The following NCKAP5 variants were observed in gnomAD, a reference collection of about 807,000 sequenced individuals.
The protein encoded by NCKAP5 is NCK associated protein 5, also known as nck-associated protein 5.
A neutral mutation model predicts 167.0 loss-of-function variants in NCKAP5; 92 were observed. The observed-to-expected ratio is 0.55, with a 90% confidence interval of 0.47 to 0.66. NCKAP5 has a LOEUF of 0.66. Among genes scored for constraint, NCKAP5 ranks in the 30% least tolerant of loss-of-function variants. The probability of loss-of-function intolerance (pLI) is 0.00; values close to 1 mark genes in which losing one functional copy is unlikely to be tolerated. For synonymous variants in NCKAP5, 891 were observed against 877.4 expected (o/e 1.02, Z -0.27); for missense variants, 2,378 against 2,315.0 (o/e 1.03, Z -0.56).
At chr2:133,085,615 A>G (rs1559124203) in intron 6 of NCKAP5, among the ~76,000 whole-genome samples, 2 of 152,174 alleles carry the variant, frequency 1.3e-5, no homozygotes, top group Admixed American at 1.3e-4. Context: ...CAACTGAAAG[A>G]GATATGTCAG....
At chr2:132,743,637 C>A (rs1679393972) in intron 16 of NCKAP5, among the ~76,000 whole-genome samples, 1 of 151,310 alleles carries the variant, frequency 6.6e-6, no homozygotes. Flanking sequence ...AAAGATGAGA[C>A]AATCAGAAAA....
At chr2:132,740,893 C>G (rs551565032) in intron 16 of NCKAP5, among the ~76,000 whole-genome samples, 48 of 151,982 alleles carry the variant, frequency 3.2e-4, no homozygotes, top group Non-Finnish European at 4.7e-4. Context: ...TTCCTTAGTA[C>G]AAATGAAGAA....
At chr2:133,081,913 A>G (rs888790219) in intron 6 of NCKAP5, among the ~76,000 whole-genome samples, 6 of 152,164 alleles carry the variant, frequency 3.9e-5, no homozygotes, top group African/African-American at 1.4e-4. Flanking sequence ...TTTCAGGGGT[A>G]CATGTGCAGG....
intron 3 of NCKAP5, among the ~76,000 whole-genome samples, chr2:133,474,155 TACACACACAC>T (rs1553649111): frequency 2.1e-5 from 3 of 142,566 alleles, no homozygotes; most frequent in Admixed American, 7.0e-5. Flanking sequence ...TATCTATCTA[TACACACACAC>T]ACACACACAC....
chr2:133,013,682 C>G (rs2078238359), intron 6 of NCKAP5, among the ~76,000 whole-genome samples: 1 of 152,172 alleles, frequency 6.6e-6, no homozygotes, highest in African/African-American at 2.4e-5. Flanking sequence ...CAGGTAGCAT[C>G]AGCAAGCTCC....
chr2:132,927,807 AT>A (rs1325406223), intron 8 of NCKAP5, among the ~76,000 whole-genome samples: 1 of 152,142 alleles, frequency 6.6e-6, no homozygotes, highest in African/African-American at 2.4e-5. Flanking sequence ...AGATCATATC[AT>A]CAGTGAACAG....
intron 16 of NCKAP5, among the ~76,000 whole-genome samples, chr2:132,739,087 A>G (rs1307021783): frequency 6.6e-6 from 1 of 152,242 alleles, no homozygotes; most frequent in Non-Finnish European, 1.5e-5. Flanking sequence ...CTGCAAAGAA[A>G]AAAAGTTGAT....
At chr2:132,878,638 A>G (rs1185610321) in intron 9 of NCKAP5, among the ~76,000 whole-genome samples, 1 of 121,910 alleles carries the variant, frequency 8.2e-6, no homozygotes, top group East Asian at 2.8e-4. Context: ...ACACACACAC[A>G]CACACACACA....
At chr2:133,193,553 T>G (rs1283972558) in intron 5 of NCKAP5, among the ~76,000 whole-genome samples, 1 of 152,114 alleles carries the variant, frequency 6.6e-6, no homozygotes, top group African/African-American at 2.4e-5. Flanking sequence ...CCTTAAAATT[T>G]AGTGTATTCT....
chr2:133,320,753 A>C (rs965991655), intron 3 of NCKAP5, among the ~76,000 whole-genome samples: 4 of 152,098 alleles, frequency 2.6e-5, no homozygotes, highest in African/African-American at 9.7e-5. Flanking sequence ...AAAAGAAAAG[A>C]AAAAGGCCCT....
intron 11 of NCKAP5, among the ~76,000 whole-genome samples, chr2:132,814,204 C>A (rs1479381176): frequency 6.6e-6 from 1 of 152,180 alleles, no homozygotes; most frequent in East Asian, 1.9e-4. Context: ...GCCTTATGGG[C>A]TTTGTTGCTA....
chr2:132,772,539 G>A (rs1682172005), intron 16 of NCKAP5, among the ~76,000 whole-genome samples: 1 of 152,120 alleles, frequency 6.6e-6, no homozygotes, highest in African/African-American at 2.4e-5. Context: ...GAAAAATGAT[G>A]ACTCAGCAGG....
At chr2:133,553,439 A>C (rs1481403038) in intron 2 of NCKAP5, among the ~76,000 whole-genome samples, 1 of 152,210 alleles carries the variant, frequency 6.6e-6, no homozygotes, top group Admixed American at 6.5e-5. Flanking sequence ...TCGTCAGCCC[A>C]AACTTGGGAA....
intron 8 of NCKAP5, among the ~76,000 whole-genome samples, chr2:132,910,195 A>G (rs1362128114): frequency 6.6e-6 from 1 of 152,172 alleles, no homozygotes; most frequent in Non-Finnish European, 1.5e-5. Flanking sequence ...AATGTGTAAT[A>G]ATCACATCAT....
At chr2:132,939,297 A>G (rs1348595300) in intron 8 of NCKAP5, among the ~76,000 whole-genome samples, 2 of 152,226 alleles carry the variant, frequency 1.3e-5, no homozygotes, top group African/African-American at 2.4e-5. Flanking sequence ...TACAGAACAG[A>G]TAACTACAAC....
intron 3 of NCKAP5, among the ~76,000 whole-genome samples, chr2:133,418,831 T>C (rs565726384): frequency 2.0e-5 from 3 of 152,254 alleles, no homozygotes; most frequent in Non-Finnish European, 4.4e-5. Context: ...AATAAACAAA[T>C]AAATAAACCT....
intron 2 of NCKAP5, among the ~76,000 whole-genome samples, chr2:133,534,004 A>G (rs1426662805): frequency 6.6e-6 from 1 of 152,164 alleles, no homozygotes; most frequent in Non-Finnish European, 1.5e-5. Context: ...GGATATTTTG[A>G]CCTGGATTGG....
At chr2:133,449,834 T>G (rs1475069684) in intron 3 of NCKAP5, among the ~76,000 whole-genome samples, 1 of 152,184 alleles carries the variant, frequency 6.6e-6, no homozygotes, top group Non-Finnish European at 1.5e-5. Flanking sequence ...TCCAGCTTTT[T>G]TTTTTTCAAC....
chr2:133,056,612 T>G (rs1442775205), intron 6 of NCKAP5, among the ~76,000 whole-genome samples: 3 of 152,188 alleles, frequency 2.0e-5, no homozygotes, highest in Non-Finnish European at 4.4e-5. Context: ...ACGACCAGGA[T>G]AGTTAAAGGC....
Sources: gnomAD v4.1 joint callset for allele counts (sites outside exome capture counted in the v4.1 genomes callset) on GRCh38, gnomAD v4.1.1 for gene constraint, MANE v1.5 for transcripts, NCBI Gene and HGNC (gene_info 2026-07-23, HGNC 2026-07-21) for gene names.